The following SOCS7 variants were observed in gnomAD, a reference collection of about 807,000 sequenced individuals.
SOCS7 encodes suppressor of cytokine signaling 7.
SOCS7 carries 18 observed loss-of-function variants against 58.9 expected under a neutral mutation model. The ratio of observed to expected loss-of-function variants is 0.31; its 90% confidence interval spans 0.21 to 0.45. The LOEUF is 0.45. Ranked by LOEUF, SOCS7 falls within the 20% of genes least tolerant of loss-of-function variation. SOCS7 has a pLI of 1.00. For synonymous variants in SOCS7, 388 were observed against 364.3 expected, an observed-to-expected ratio of 1.06 and a Z score of -0.74; for missense variants, 667 against 837.3, an observed-to-expected ratio of 0.80 and a Z score of 2.51.
chr17:38,390,738 C>G (rs1159024332), intron 7 of SOCS7, among the ~76,000 whole-genome samples: 1 of 147,220 alleles, frequency 6.8e-6, no homozygotes, highest in Non-Finnish European at 1.5e-5. Flanking sequence ...CCACTGTCAC[C>G]CAGTCTGGAG....
At position 38,400,724 on chromosome 17, in the gene SOCS7, T is replaced by C. The variant is rs2144415530; in HGVS notation, c.*1242T>C. On this transcript the variant is annotated 3_prime_UTR_variant, in exon 10 of 10. Transcript: ENST00000612932. ...ATTTCCGGATCAGATCCTGCTGGTC[T>C]CCACTCACTGGAAAGTCTGCCAGAT... 6.6e-6 allele frequency: 1 copy of C among 152,340 alleles called. No individual in the cohort carries two copies. The highest frequency in any genetic ancestry group is 2.1e-4 in the South Asian group (1 of 4,816). The allele number at this position is 152,340 out of a possible 1,614,324, so 9.4% of individuals were successfully genotyped here. A position where few individuals can be genotyped will look rare whatever the true frequency, so the allele number is the denominator to read the frequency against.
chr17:38,364,386 T>C (rs2037759395), intron 2 of SOCS7, among the ~76,000 whole-genome samples: 1 of 152,234 alleles, frequency 6.6e-6, no homozygotes, highest in Non-Finnish European at 1.5e-5. Context: ...GCTTGCTTCC[T>C]AAGGCAGAAA....
intron 6 of SOCS7, among the ~76,000 whole-genome samples, chr17:38,373,137 T>A (rs1313788216): frequency 1.3e-5 from 2 of 151,242 alleles, no homozygotes; most frequent in Non-Finnish European, 1.5e-5. Context: ...AAGAAAAGCA[T>A]ACCTATAGAT....
At chr17:38,361,653 T>C (rs1281319235) in intron 1 of SOCS7, 58 bp from the exon 2 acceptor site, 6 of 1,336,898 alleles carry the variant, frequency 4.5e-6, no homozygotes, top group African/African-American at 4.3e-5. Flanking sequence ...TGTGGTGACT[T>C]AAATGCATAT....
At chr17:38,353,165 T>C (rs1009543286) in intron 1 of SOCS7, 133 bp downstream of exon 1, 54 of 820,326 alleles carry the variant, frequency 6.6e-5, no homozygotes, top group Non-Finnish European at 9.7e-5. Context: ...GGACCAAAGG[T>C]GGTAACATCT....
chr17:38,389,833 T>C (rs532791936), intron 7 of SOCS7, among the ~76,000 whole-genome samples: 255 of 24,646 alleles, frequency 0.01, no homozygotes, highest in Non-Finnish European at 0.023. Context: ...TTAATTTTTG[T>C]TTTTTAATTT....
intron 7 of SOCS7, among the ~76,000 whole-genome samples, chr17:38,379,305 C>T (rs905507203): frequency 8.6e-5 from 13 of 151,808 alleles, no homozygotes; most frequent in African/African-American, 3.1e-4. Flanking sequence ...TAGTGAAACC[C>T]TGTCTGTACT....
At chr17:38,364,658 C>T in intron 2 of SOCS7, 94 bp from the exon 3 acceptor site, 1 of 981,862 alleles carries the variant, frequency 1.0e-6, no homozygotes, top group Non-Finnish European at 1.6e-6. Context: ...AGCAGACCCC[C>T]AGCCTCGCCT....
intron 7 of SOCS7, 133 bp downstream of exon 7, chr17:38,377,975 C>T (rs1322866786): frequency 7.8e-6 from 6 of 768,316 alleles, no homozygotes; most frequent in African/African-American, 7.0e-5. Context: ...ACTCCTCTTA[C>T]AGAGTCCCAT....
chr17:38,385,436 C>A (rs67170545), intron 7 of SOCS7, among the ~76,000 whole-genome samples: 3 of 147,210 alleles, frequency 2.0e-5, no homozygotes, highest in East Asian at 2.0e-4. Flanking sequence ...ATCTGAATTT[C>A]TTTTCTTTCT....
chr17:38,370,763 G>A, intron 6 of SOCS7, among the ~76,000 whole-genome samples: 1 of 150,902 alleles, frequency 6.6e-6, no homozygotes, highest in East Asian at 2.0e-4. Flanking sequence ...CTATTCTCCT[G>A]CCTTGGCCTC....
At position 38,353,027 on chromosome 17, in the gene SOCS7, G is replaced by C. The variant is rs375541134; in HGVS notation, c.975G>C (p.Ala325=). ...MGGSAGRELD[A]GRKPKLTRTQ... is the part of the protein sequence containing the mutation. ...GCTCTGCGGGCCGGGAGCTGGACGC[G>C]GGGAGGTGAGACCGGCCGGGGGCTG... Residue 325 remains alanine, a synonymous_variant, in exon 1 of 10, where the codon GCG becomes GCC. Coordinates refer to ENST00000612932, the MANE Select transcript of SOCS7 (RefSeq NM_014598.4). 16 of 1,585,826 alleles carry C rather than the reference G, an allele frequency of 1.0e-5. No homozygotes were observed. The highest frequency in any genetic ancestry group is 1.4e-5 in the Non-Finnish European group (16 of 1,167,828).
At chr17:38,393,114 A>C (rs1008278773) in intron 7 of SOCS7, among the ~76,000 whole-genome samples, 1 of 152,008 alleles carries the variant, frequency 6.6e-6, no homozygotes, top group Non-Finnish European at 1.5e-5. Flanking sequence ...GCCTCAAGTG[A>C]TCTTATCTCC....
intron 7 of SOCS7, among the ~76,000 whole-genome samples, chr17:38,385,185 C>T (rs1424861842): frequency 6.6e-6 from 1 of 152,096 alleles, no homozygotes; most frequent in Admixed American, 6.6e-5. Context: ...TGTGAGCCAC[C>T]GTGCCCAGCA....
chr17:38,379,180 C>CAAAAAAAAAA (rs71138613), intron 7 of SOCS7, among the ~76,000 whole-genome samples: 4 of 121,416 alleles, frequency 3.3e-5, no homozygotes. Flanking sequence ...CAAAAAAAAA[C>CAAAAAAAAAA]AAAAAAAAAA....
chr17:38,366,077 C>T, intron 4 of SOCS7: 1 of 1,250,900 alleles, frequency 8.0e-7, no homozygotes, highest in Non-Finnish European at 1.0e-6. Context: ...GTCAAGTGCC[C>T]CCACCCATCC....
intron 6 of SOCS7, among the ~76,000 whole-genome samples, chr17:38,369,794 T>C (rs1055849768): frequency 6.6e-6 from 1 of 150,964 alleles, no homozygotes; most frequent in Non-Finnish European, 1.5e-5. Flanking sequence ...TTTTTTTGTT[T>C]GTTTTTTTTT....
At chr17:38,386,348 A>AT (rs2038068243) in intron 7 of SOCS7, among the ~76,000 whole-genome samples, 4 of 149,854 alleles carry the variant, frequency 2.7e-5, no homozygotes, top group Admixed American at 1.3e-4. Flanking sequence ...AAAAAAAAAA[A>AT]TTAGCCAGGT....
At position 38,386,912 on chromosome 17, in the gene SOCS7, C is replaced by G. The variant is rs190509821; in HGVS notation, c.1682-8397C>G. Among the ~76,000 whole-genome samples, 10 of 149,804 alleles carry G rather than the reference C, an allele frequency of 6.7e-5. 1 individual carries two copies. In the East Asian group the frequency reaches 1.4e-3, roughly 21 times the overall value. ...CATCCTGGCTAACACGGTGAAACCC[C>G]GTCTCTACTAAAAAATAGAAAAAAT... On this transcript the variant is annotated intron_variant, in intron 7 of 9. Transcript: ENST00000612932.
Sources: allele counts gnomAD v4.1 joint callset (sites outside exome capture counted in the v4.1 genomes callset), GRCh38; gene constraint gnomAD v4.1.1; transcripts MANE v1.5; gene names NCBI Gene and HGNC (gene_info 2026-07-23, HGNC 2026-07-21).